GPC6: variants seen among roughly 807,000 people sequenced by gnomAD.
GPC6 encodes glypican 6.
GPC6 carries 14 observed loss-of-function variants against 55.2 expected under a neutral mutation model. That is an observed-to-expected ratio of 0.25 (90% CI 0.17 to 0.40). The LOEUF (loss-of-function observed/expected upper bound fraction) is 0.40, where lower values mean the gene tolerates loss of function less well. GPC6 is among the 10% of genes least tolerant of loss of function. The pLI is 1.00. For synonymous variants in GPC6, 278 were observed against 259.6 expected (o/e 1.07, Z -0.68); for missense variants, 641 against 708.5 (o/e 0.90, Z 1.08).
intron 2 of GPC6, among the ~76,000 whole-genome samples, chr13:93,747,909 G>A (rs144399515): frequency 7.2e-5 from 11 of 152,226 alleles, no homozygotes; most frequent in East Asian, 5.8e-4. Flanking sequence ...CCTAGACTGC[G>A]GGCCTTTCAG....
intron 6 of GPC6, among the ~76,000 whole-genome samples, chr13:94,360,620 A>G (rs1225963079): frequency 6.6e-6 from 1 of 152,246 alleles, no homozygotes; most frequent in Non-Finnish European, 1.5e-5. Flanking sequence ...TAGGGCTGCT[A>G]GAATCACAAT....
At chr13:93,866,345 C>T (rs1888963591) in intron 3 of GPC6, among the ~76,000 whole-genome samples, 1 of 151,648 alleles carries the variant, frequency 6.6e-6, no homozygotes, top group Admixed American at 6.6e-5. Context: ...ATATACAGAG[C>T]TGTAGGGTCC....
chr13:93,910,658 GA>G (rs1365137963), intron 3 of GPC6, among the ~76,000 whole-genome samples: 1 of 152,066 alleles, frequency 6.6e-6, no homozygotes, highest in Non-Finnish European at 1.5e-5. Context: ...TCAGTCAATG[GA>G]AGATATAAAA....
intron 2 of GPC6, among the ~76,000 whole-genome samples, chr13:93,628,387 A>T (rs1034856866): frequency 6.6e-6 from 1 of 152,170 alleles, no homozygotes; most frequent in Non-Finnish European, 1.5e-5. Context: ...GCTGGCCCAT[A>T]TGTGCATTGC....
chr13:93,695,766 G>T (rs1424580894), intron 2 of GPC6, among the ~76,000 whole-genome samples: 2 of 152,148 alleles, frequency 1.3e-5, no homozygotes, highest in East Asian at 3.9e-4. Flanking sequence ...CAAAAATGAT[G>T]AGCTCAAAGG....
chr13:93,353,385 A>G (rs2139166851), intron 1 of GPC6, among the ~76,000 whole-genome samples: 1 of 152,282 alleles, frequency 6.6e-6, no homozygotes, highest in Non-Finnish European at 1.5e-5. Context: ...GAACACTAAC[A>G]ATGAGTGCCA....
chr13:94,383,041 A>C (rs761708384), intron 7 of GPC6, among the ~76,000 whole-genome samples: 54 of 152,208 alleles, frequency 3.5e-4, no homozygotes, highest in Non-Finnish European at 6.5e-4. Flanking sequence ...AATGGTTCTA[A>C]TAGGCAACAC....
chr13:93,798,734 C>T (rs2138933706), intron 2 of GPC6, among the ~76,000 whole-genome samples: 1 of 152,072 alleles, frequency 6.6e-6, no homozygotes, highest in South Asian at 2.1e-4. Context: ...GCCTGGCTAA[C>T]ATGGTGAAAA....
chr13:94,132,093 A>T (rs988535309), intron 4 of GPC6, among the ~76,000 whole-genome samples: 15 of 152,074 alleles, frequency 9.9e-5, no homozygotes, highest in Non-Finnish European at 1.9e-4. Context: ...CTGGTGGAGA[A>T]AGGTGATTCC....
chr13:93,921,057 G>A (rs1008348835), intron 3 of GPC6, among the ~76,000 whole-genome samples: 5 of 152,148 alleles, frequency 3.3e-5, no homozygotes, highest in Non-Finnish European at 7.3e-5. Flanking sequence ...CTGCTCATCA[G>A]TTGTCTCTAT....
At chr13:93,984,402 A>G (rs999161590) in intron 3 of GPC6, among the ~76,000 whole-genome samples, 1 of 152,204 alleles carries the variant, frequency 6.6e-6, no homozygotes, top group African/African-American at 2.4e-5. Flanking sequence ...TGCAGAATGA[A>G]TGGCTCAAAA....
At chr13:93,882,996 G>T (rs1343222740) in intron 3 of GPC6, among the ~76,000 whole-genome samples, 1 of 151,980 alleles carries the variant, frequency 6.6e-6, no homozygotes, top group East Asian at 1.9e-4. Flanking sequence ...TTTTTTTCCA[G>T]GGCCTTGAAT....
intron 2 of GPC6, among the ~76,000 whole-genome samples, chr13:93,805,111 T>C (rs1332213433): frequency 6.6e-6 from 1 of 152,088 alleles, no homozygotes; most frequent in East Asian, 1.9e-4. Context: ...GGATAACAAA[T>C]ATAAGAAAGC....
At chr13:93,298,614 T>C (rs920223704) in intron 1 of GPC6, among the ~76,000 whole-genome samples, 1 of 148,380 alleles carries the variant, frequency 6.7e-6, no homozygotes, top group African/African-American at 2.4e-5. Flanking sequence ...TTTTCTTTTT[T>C]CTTTTTTTTT....
chr13:93,371,048 A>T (rs1874621780), intron 1 of GPC6, among the ~76,000 whole-genome samples: 1 of 152,110 alleles, frequency 6.6e-6, no homozygotes, highest in Admixed American at 6.6e-5. Flanking sequence ...TACTTTTGTT[A>T]ATGTTGACAA....
At chr13:94,038,137 G>T (rs1489206969) in intron 4 of GPC6, among the ~76,000 whole-genome samples, 3 of 151,750 alleles carry the variant, frequency 2.0e-5, no homozygotes, top group African/African-American at 7.3e-5. Flanking sequence ...TATATTTAAG[G>T]TGTACAATGT....
intron 2 of GPC6, among the ~76,000 whole-genome samples, chr13:93,636,276 G>A (rs142082172): frequency 1.3e-3 from 192 of 152,244 alleles, no homozygotes; most frequent in African/African-American, 4.2e-3. Context: ...TTAATCCACC[G>A]ATGGTCAAAG....
At chr13:93,985,584 C>A (rs1173566087) in intron 3 of GPC6, among the ~76,000 whole-genome samples, 1 of 144,566 alleles carries the variant, frequency 6.9e-6, no homozygotes, top group Non-Finnish European at 1.5e-5. Context: ...CTCAGCTACT[C>A]AGGAGGATGA....
At chr13:93,936,383 G>T (rs889828638) in intron 3 of GPC6, among the ~76,000 whole-genome samples, 1 of 151,676 alleles carries the variant, frequency 6.6e-6, no homozygotes, top group Non-Finnish European at 1.5e-5. Context: ...GAAGGGGAAT[G>T]TGTGTGCGGG....
Sources: allele counts gnomAD v4.1 joint callset (sites outside exome capture counted in the v4.1 genomes callset), GRCh38; gene constraint gnomAD v4.1.1; transcripts MANE v1.5; gene names NCBI Gene and HGNC (gene_info 2026-07-23, HGNC 2026-07-21).